ARL15: variants seen among roughly 807,000 people sequenced by gnomAD.
ARL15 encodes the protein ARF like GTPase 15, also known as ADP-ribosylation factor-like protein 15.
In ARL15, 19 loss-of-function variants were observed where a neutral mutation model predicts 25.2. The observed-to-expected ratio is 0.75, with a 90% CI of 0.53 to 1.10. The LOEUF (loss-of-function observed/expected upper bound fraction) is 1.10. Among genes scored for constraint, ARL15 ranks in the 50% least tolerant of loss-of-function variants. The pLI is 0.00. For missense variants in ARL15, 220 were observed against 246.0 expected, an observed-to-expected ratio of 0.89 and a Z score of 0.71; for synonymous variants, 94 against 86.8, an observed-to-expected ratio of 1.08 and a Z score of -0.46.
At chr5:54,040,504 TG>T in intron 4 of ARL15, among the ~76,000 whole-genome samples, 1 of 152,196 alleles carries the variant, frequency 6.6e-6, no homozygotes, top group Non-Finnish European at 1.5e-5. Context: ...CCTAAAAGCT[TG>T]GATTCTATGT....
At chr5:54,228,707 C>T (rs1287185966) in intron 1 of ARL15, among the ~76,000 whole-genome samples, 1 of 152,152 alleles carries the variant, frequency 6.6e-6, no homozygotes, top group Non-Finnish European at 1.5e-5. Flanking sequence ...ACAACCTTCA[C>T]TTTCATGGTA....
At chr5:54,128,763 T>C (rs1044637646) in intron 3 of ARL15, among the ~76,000 whole-genome samples, 1 of 146,584 alleles carries the variant, frequency 6.8e-6, no homozygotes, top group Non-Finnish European at 1.5e-5. Context: ...TGTAGTGCAA[T>C]GGCGCAATCT....
chr5:54,016,386 C>A (rs139837183), intron 4 of ARL15, among the ~76,000 whole-genome samples: 227 of 152,282 alleles, frequency 1.5e-3, no homozygotes, highest in Non-Finnish European at 2.6e-3. Flanking sequence ...ACAGGTTCCT[C>A]TTGCAGGCCA....
intron 1 of ARL15, among the ~76,000 whole-genome samples, chr5:54,236,437 C>G (rs1756811035): frequency 6.9e-6 from 1 of 144,740 alleles, no homozygotes; most frequent in African/African-American, 2.5e-5. Flanking sequence ...CACACACACA[C>G]ACACACACAA....
At chr5:54,199,484 G>A (rs1268811303) in intron 1 of ARL15, among the ~76,000 whole-genome samples, 4 of 151,942 alleles carry the variant, frequency 2.6e-5, no homozygotes, top group Non-Finnish European at 5.9e-5. Context: ...GTGGGTGAAG[G>A]ACATGAACAG....
intron 1 of ARL15, among the ~76,000 whole-genome samples, chr5:54,211,452 C>T (rs899812342): frequency 3.4e-5 from 5 of 147,470 alleles, no homozygotes; most frequent in African/African-American, 1.3e-4. Context: ...TTTTAGGCAG[C>T]GCTTAAATGA....
intron 4 of ARL15, among the ~76,000 whole-genome samples, chr5:53,954,763 T>C (rs1057316491): frequency 6.6e-6 from 1 of 152,196 alleles, no homozygotes; most frequent in African/African-American, 2.4e-5. Context: ...AACATACTGC[T>C]AACTAGGACC....
At chr5:54,158,375 A>C (rs1299589255) in intron 2 of ARL15, among the ~76,000 whole-genome samples, 3 of 152,208 alleles carry the variant, frequency 2.0e-5, no homozygotes, top group Non-Finnish European at 4.4e-5. Flanking sequence ...TGATTTTCAC[A>C]ATTGTAACTA....
intron 4 of ARL15, among the ~76,000 whole-genome samples, chr5:53,910,845 T>C (rs555902229): frequency 8.0e-4 from 122 of 151,810 alleles, no homozygotes; most frequent in African/African-American, 2.8e-3. Flanking sequence ...GGAAAAGTGA[T>C]TCGACCAATT....
At chr5:54,079,913 T>C (rs915641101) in intron 4 of ARL15, among the ~76,000 whole-genome samples, 4 of 150,602 alleles carry the variant, frequency 2.7e-5, no homozygotes, top group African/African-American at 9.8e-5. Flanking sequence ...GAGGTTGCAG[T>C]GAGCTGAGAT....
At chr5:54,124,148 G>C (rs1465298541) in intron 3 of ARL15, among the ~76,000 whole-genome samples, 1 of 152,144 alleles carries the variant, frequency 6.6e-6, no homozygotes, top group Non-Finnish European at 1.5e-5. Context: ...TACATGAGAA[G>C]AGACATTTAT....
At position 53,956,658 on chromosome 5, in the gene ARL15, G is replaced by A. The variant is rs188592983; in HGVS notation, c.463-69945C>T. Among the ~76,000 whole-genome samples the A allele has an allele frequency of 5.1e-4, 77 of 151,758 alleles. No individual in the cohort carries two copies. The East Asian group carries it at 0.013, about 26-fold the overall frequency. On this transcript the variant is annotated intron_variant, in intron 4 of 4. Coordinates refer to ENST00000504924, the MANE Select transcript of ARL15 (RefSeq NM_019087.3). ...GGAGAATGATACATGAACAAATAGA[G>A]AATATCAATAAAGAGACAGAAATTA...
At chr5:54,294,197 T>C (rs944935850) in intron 1 of ARL15, among the ~76,000 whole-genome samples, 3 of 152,220 alleles carry the variant, frequency 2.0e-5, no homozygotes, top group Non-Finnish European at 4.4e-5. Flanking sequence ...CCTATTCTAC[T>C]AACCCAGCGG....
chr5:54,097,881 A>C (rs563675727), intron 4 of ARL15, among the ~76,000 whole-genome samples: 1 of 152,344 alleles, frequency 6.6e-6, no homozygotes, highest in African/African-American at 2.4e-5. Flanking sequence ...GCTGATGTGC[A>C]GGGACAAATT....
intron 1 of ARL15, among the ~76,000 whole-genome samples, chr5:54,260,187 C>T (rs946682577): frequency 1.2e-4 from 19 of 152,164 alleles, no homozygotes; most frequent in Non-Finnish European, 7.3e-5. Flanking sequence ...AATGCACATC[C>T]TGCACTCTGC....
rs537692127 is a variant in ARL15, at chr5:53,959,819, T to G, written c.463-73106A>C. Among the ~76,000 whole-genome samples the G allele has an allele frequency of 9.9e-5, 15 of 152,254 alleles. 1 individual carries two copies. In the East Asian group the frequency reaches 2.9e-3, roughly 29 times the overall value. Reference sequence around the variant, plus strand: ...ACTGGCAACTCTCCTTCCTTTCTTCTTGCATTGTAACTCCCACACTTAGCA... The same window carrying G: ...ACTGGCAACTCTCCTTCCTTTCTTCGTGCATTGTAACTCCCACACTTAGCA... On this transcript the variant is annotated intron_variant, in intron 4 of 4. Transcript: ENST00000504924.
chr5:54,062,136 T>C (rs1751087179), intron 4 of ARL15, among the ~76,000 whole-genome samples: 1 of 152,216 alleles, frequency 6.6e-6, no homozygotes, highest in Non-Finnish European at 1.5e-5. Context: ...TTGGAATGGT[T>C]GTATTTACCC....
chr5:53,991,592 T>G, intron 4 of ARL15, among the ~76,000 whole-genome samples: 1 of 142,798 alleles, frequency 7.0e-6, no homozygotes, highest in African/African-American at 2.6e-5. Flanking sequence ...AAGCAATGAG[T>G]GTAAACACCT....
chr5:54,023,873 C>T (rs545227151), intron 4 of ARL15, among the ~76,000 whole-genome samples: 1 of 152,166 alleles, frequency 6.6e-6, no homozygotes, highest in African/African-American at 2.4e-5. Flanking sequence ...CACGAACCAT[C>T]GTGTCTGCTC....
Sources: allele counts gnomAD v4.1 joint callset (sites outside exome capture counted in the v4.1 genomes callset), GRCh38; gene constraint gnomAD v4.1.1; transcripts MANE v1.5; gene names NCBI Gene and HGNC (gene_info 2026-07-23, HGNC 2026-07-21).